The following RBFOX1 variants were observed in gnomAD, a reference collection of about 807,000 sequenced individuals.
RBFOX1 encodes RNA binding fox-1 homolog 1.
RBFOX1 carries 8 observed loss-of-function variants against 57.7 expected under a neutral mutation model. The observed-to-expected ratio is 0.14, with a 90% CI of 0.08 to 0.25. The LOEUF is 0.25. RBFOX1 is among the 10% of genes least tolerant of loss of function. The pLI is 1.00. For synonymous variants in RBFOX1, 326 were observed against 222.4 expected (o/e 1.47, Z -4.15); for missense variants, 611 against 548.5 (o/e 1.11, Z -1.14).
At chr16:6,839,876 C>G (rs957948871) in intron 3 of RBFOX1, among the ~76,000 whole-genome samples, 1 of 152,160 alleles carries the variant, frequency 6.6e-6, no homozygotes, top group Non-Finnish European at 1.5e-5. Flanking sequence ...ATCTTTTCCC[C>G]TCCCATCCCA....
intron 4 of RBFOX1, among the ~76,000 whole-genome samples, chr16:7,079,007 A>C (rs1018683013): frequency 2.6e-5 from 4 of 151,036 alleles, no homozygotes; most frequent in Non-Finnish European, 5.9e-5. Context: ...ATTGTGAGGC[A>C]CTGGGAGTTA....
At chr16:5,477,265 C>T (rs1409556158) in intron 2 of RBFOX1, among the ~76,000 whole-genome samples, 1 of 152,154 alleles carries the variant, frequency 6.6e-6, no homozygotes, top group African/African-American at 2.4e-5. Flanking sequence ...TTTTTCCTAG[C>T]CACAGGCCTT....
intron 3 of RBFOX1, among the ~76,000 whole-genome samples, chr16:6,756,726 C>T (rs999833193): frequency 6.6e-6 from 1 of 152,128 alleles, no homozygotes; most frequent in African/African-American, 2.4e-5. Context: ...AATCCCAACA[C>T]TTTGGGAGGC....
intron 3 of RBFOX1, among the ~76,000 whole-genome samples, chr16:5,825,221 T>C (rs924337416): frequency 2.0e-5 from 3 of 152,240 alleles, no homozygotes; most frequent in Non-Finnish European, 4.4e-5. Flanking sequence ...TTCTTCAGAA[T>C]GCAATATAGT....
rs1288981816 is a variant in RBFOX1, at chr16:7,109,781, C to G, written c.27+57683C>G. On this transcript the variant is annotated intron_variant, in intron 4 of 15. Coordinates refer to ENST00000550418, the MANE Select transcript of RBFOX1 (RefSeq NM_018723.4). ...TGACTCCTTTGAGCAATTTCATTCA[C>G]TCGTTTGCTGAACAAACCTGAATTG... 3.9e-5 allele frequency among the ~76,000 whole-genome samples: 6 copies of G among 152,130 alleles called. 1 individual carries two copies. Among genetic ancestry groups the G allele is most frequent in the South Asian group, 4.1e-4 (2 of 4,826 alleles).
chr16:6,563,815 G>C (rs1213748174), intron 2 of RBFOX1, among the ~76,000 whole-genome samples: 1 of 151,392 alleles, frequency 6.6e-6, no homozygotes, highest in Non-Finnish European at 1.5e-5. Flanking sequence ...GACACAGTGG[G>C]ATCCTGTCTC....
At chr16:5,918,781 G>A (rs2058759744) in intron 4 of RBFOX1, among the ~76,000 whole-genome samples, 1 of 152,204 alleles carries the variant, frequency 6.6e-6, no homozygotes, top group East Asian at 1.9e-4. Context: ...GTCAAGGGAG[G>A]AGCGACTAAG....
At chr16:7,192,402 G>C (rs773375720) in intron 4 of RBFOX1, among the ~76,000 whole-genome samples, 2 of 152,176 alleles carry the variant, frequency 1.3e-5, no homozygotes, top group African/African-American at 4.8e-5. Flanking sequence ...TTGCTTAGGA[G>C]CTTTAGACTC....
chr16:7,253,744 C>G (rs779137685), intron 4 of RBFOX1, among the ~76,000 whole-genome samples: 4 of 152,168 alleles, frequency 2.6e-5, no homozygotes, highest in Non-Finnish European at 4.4e-5. Flanking sequence ...ATCTATGGAG[C>G]CTCTCGTTAC....
chr16:6,252,131 A>G (rs893391279), intron 1 of RBFOX1, among the ~76,000 whole-genome samples: 1 of 151,988 alleles, frequency 6.6e-6, no homozygotes, highest in Non-Finnish European at 1.5e-5. Context: ...AGTCCTCCAC[A>G]TGGGGAAGAG....
intron 3 of RBFOX1, among the ~76,000 whole-genome samples, chr16:5,804,107 C>G (rs2055152027): frequency 3.9e-5 from 6 of 152,198 alleles, no homozygotes; most frequent in Admixed American, 3.9e-4. Flanking sequence ...CCTCTCTAAG[C>G]TTTTCAGTTC....
At chr16:6,876,329 CTTG>C (rs1309884305) in intron 3 of RBFOX1, among the ~76,000 whole-genome samples, 1 of 152,140 alleles carries the variant, frequency 6.6e-6, no homozygotes, top group Non-Finnish European at 1.5e-5. Flanking sequence ...CAATGAATGA[CTTG>C]TTGACTATTC....
intron 3 of RBFOX1, among the ~76,000 whole-genome samples, chr16:6,855,208 C>G (rs1567573320): frequency 6.6e-6 from 1 of 151,522 alleles, no homozygotes; most frequent in Non-Finnish European, 1.5e-5. Context: ...TAGTACCTGG[C>G]AAAATGATAA....
chr16:5,489,037 C>G (rs983590804), intron 2 of RBFOX1, among the ~76,000 whole-genome samples: 2 of 152,160 alleles, frequency 1.3e-5, no homozygotes, highest in Non-Finnish European at 2.9e-5. Flanking sequence ...CATAAGAACG[C>G]CAAGGCAGAG....
intron 2 of RBFOX1, among the ~76,000 whole-genome samples, chr16:6,575,665 C>T (rs534123071): frequency 2.6e-5 from 4 of 152,196 alleles, no homozygotes; most frequent in African/African-American, 7.2e-5. Flanking sequence ...TGAGACCAGA[C>T]TGATCAATGT....
intron 3 of RBFOX1, among the ~76,000 whole-genome samples, chr16:5,794,326 T>TTC: frequency 6.6e-6 from 1 of 152,066 alleles, no homozygotes; most frequent in South Asian, 2.1e-4. Flanking sequence ...CTCCTTTTTT[T>TTC]CCTCATCCTT....
chr16:7,273,326 C>G (rs751329545), intron 4 of RBFOX1, among the ~76,000 whole-genome samples: 1 of 150,312 alleles, frequency 6.7e-6, no homozygotes, highest in Non-Finnish European at 1.5e-5. Context: ...ACAGCACTCT[C>G]TGCTGTGTCT....
At chr16:7,378,592 G>A (rs1250822006) in intron 4 of RBFOX1, among the ~76,000 whole-genome samples, 1 of 152,204 alleles carries the variant, frequency 6.6e-6, no homozygotes, top group Non-Finnish European at 1.5e-5. Flanking sequence ...CATGGTGGTG[G>A]GAGAAGCATT....
intron 1 of RBFOX1, among the ~76,000 whole-genome samples, chr16:6,061,734 T>C (rs2095688691): frequency 6.6e-6 from 1 of 152,170 alleles, no homozygotes; most frequent in Non-Finnish European, 1.5e-5. Flanking sequence ...GTTTTCACTT[T>C]ACACTCACAC....
Sources: allele counts gnomAD v4.1 joint callset (sites outside exome capture counted in the v4.1 genomes callset), GRCh38; gene constraint gnomAD v4.1.1; transcripts MANE v1.5; gene names NCBI Gene and HGNC (gene_info 2026-07-23, HGNC 2026-07-21).